The following KCNIP2 variants were observed in gnomAD, a reference collection of about 807,000 sequenced individuals.
KCNIP2 encodes potassium voltage-gated channel interacting protein 2, also known as A-type potassium channel modulatory protein KCNIP2.
A neutral mutation model predicts 39.0 loss-of-function variants in KCNIP2; 19 were observed. That is an observed-to-expected ratio of 0.49 (90% CI 0.34 to 0.71). The LOEUF is 0.71. Among genes scored for constraint, KCNIP2 ranks in the 30% least tolerant of loss-of-function variants. The probability of loss-of-function intolerance (pLI) is 0.01; values close to 1 mark genes in which losing one functional copy is unlikely to be tolerated. For synonymous variants in KCNIP2, 111 were observed against 131.2 expected, an observed-to-expected ratio of 0.85 and a Z score of 1.05; for missense variants, 261 against 346.0, an observed-to-expected ratio of 0.75 and a Z score of 1.95.
At chr10:101,836,888 G>T (rs1169491324) in intron 1 of KCNIP2, among the ~76,000 whole-genome samples, 1 of 151,712 alleles carries the variant, frequency 6.6e-6, no homozygotes, top group Non-Finnish European at 1.5e-5. Flanking sequence ...TTGAACCCAG[G>T]AGGTGGAGGT....
At chr10:101,839,610 C>T (rs934590482) in intron 1 of KCNIP2, 2 of 755,536 alleles carry the variant, frequency 2.6e-6, no homozygotes, top group African/African-American at 1.8e-5. Context: ...TCCAGGATCT[C>T]GTCTTGGAAG....
chr10:101,829,805 G>T (rs2065901421), intron 3 of KCNIP2, 39 bp downstream of exon 3: 2 of 711,032 alleles, frequency 2.8e-6, no homozygotes, highest in Non-Finnish European at 1.8e-6. Context: ...TGGCAAAGCC[G>T]CCCTGCCCCG....
Position 101,829,204 on chromosome 10 carries a change from G to T in KCNIP2, c.224-5C>A, listed in dbSNP as rs1256494428. The T allele has an allele frequency of 6.2e-7, 1 of 1,610,734 alleles. No individual in the cohort carries two copies. The highest frequency in any genetic ancestry group is 8.5e-7 in the Non-Finnish European group (1 of 1,178,316). ...CAAATTCATCGTCCACGCTGTCTGC[G>T]GGAGCGGTGAGGACAGCCGCGCCTC... is the stretch of plus-strand genomic sequence containing the variant. On this transcript the variant is annotated splice_region_variant and splice_polypyrimidine_tract_variant and intron_variant, in intron 3 of 9. Transcript: ENST00000356640.
chr10:101,837,498 G>A (rs999918014), intron 1 of KCNIP2, among the ~76,000 whole-genome samples: 10 of 151,940 alleles, frequency 6.6e-5, no homozygotes, highest in Admixed American at 2.0e-4. Context: ...GTGAAACCCC[G>A]TCTCTACTAA....
intron 3 of KCNIP2, 40 bp downstream of exon 3, chr10:101,829,804 C>T (rs537720840): frequency 1.8e-6 from 2 of 1,116,792 alleles, no homozygotes; most frequent in East Asian, 1.0e-4. Flanking sequence ...ATGGCAAAGC[C>T]GCCCTGCCCC....
intron 1 of KCNIP2, among the ~76,000 whole-genome samples, chr10:101,837,409 G>A (rs918224821): frequency 4.6e-5 from 7 of 152,092 alleles, no homozygotes; most frequent in East Asian, 1.9e-4. Context: ...AGTGGCTCAC[G>A]CCTATAATCC....
Position 101,843,564 on chromosome 10 carries a change from C to A in KCNIP2, c.5G>T (p.Arg2Leu). Residue 2 changes from arginine (R) to leucine (L), a missense_variant, in exon 1 of 10, where the codon CGG becomes CTG. Physicochemically the swap from Arg to Leu is moderately radical, Grantham distance 102. Transcript: ENST00000356640. This position sits in a 1 kb window ranked among gnomAD's most constrained non-coding sequence, Gnocchi z 6.7. ...CAAACTCTCCTTGCGGCCCTGGCCC[C>A]GCATGGCCCCCGGCGCCCCGCTCCC... M[R>L]GQGRKESLSD... 6.5e-7 allele frequency: 1 copy of A among 1,534,378 alleles called. No homozygotes were observed. Among genetic ancestry groups the A allele is most frequent in the Non-Finnish European group, 8.8e-7 (1 of 1,141,418 alleles).
At position 101,838,660 on chromosome 10, in the gene KCNIP2, G is replaced by A. The variant is rs2066232303; in HGVS notation, c.73+4836C>T. 6.6e-6 allele frequency among the ~76,000 whole-genome samples: 1 copy of A among 152,222 alleles called. No homozygotes were observed. The highest frequency in any genetic ancestry group is 2.1e-4 in the South Asian group (1 of 4,832). ...CACTGGAGACAGGCCCAAGCAGGGG[G>A]CTTGGAGGTTGTATGCTCCCCAGAA... On this transcript the variant is annotated intron_variant, in intron 1 of 9. Coordinates refer to ENST00000356640, the MANE Select transcript of KCNIP2 (RefSeq NM_173191.3). The surrounding 1 kb of genome is among the most constrained non-coding windows in gnomAD (Gnocchi z 4.0).
At chr10:101,839,647 C>T (rs1294315490) in intron 1 of KCNIP2, 1 of 1,021,904 alleles carries the variant, frequency 9.8e-7, no homozygotes, top group Admixed American at 1.8e-5. Flanking sequence ...ATGTTGCTCC[C>T]TCCATCTATT....
chr10:101,827,155 C>T lies in KCNIP2; in HGVS notation c.*198G>A. 1 of 1,258,188 alleles carries T rather than the reference C, an allele frequency of 7.9e-7. No individual in the cohort carries two copies. The highest frequency in any genetic ancestry group is 3.3e-5 in the Admixed American group (1 of 30,444). The allele number at this position is 1,258,188 out of a possible 1,614,324, so 77.9% of individuals were successfully genotyped here. A position where few individuals can be genotyped will look rare whatever the true frequency, so the allele number is the denominator to read the frequency against. ...AGAGCTGGTGGGAGTTGGGAACACC[C>T]CCCGAGATGCACTCTGCCCACTCTC... On this transcript the variant is annotated 3_prime_UTR_variant, in exon 10 of 10. Transcript: ENST00000356640.
At chr10:101,829,491 A>G in intron 3 of KCNIP2, 2 of 474,392 alleles carry the variant, frequency 4.2e-6, no homozygotes, top group Middle Eastern at 5.5e-4. Flanking sequence ...CCCCAGCCGC[A>G]TCTTCGTTTT....
intron 1 of KCNIP2, among the ~76,000 whole-genome samples, chr10:101,840,548 G>A (rs866533156): frequency 3.5e-5 from 2 of 57,024 alleles, no homozygotes; most frequent in Non-Finnish European, 6.8e-5. Context: ...AGCCCCCCCC[G>A]CACCCCCCCC....
In KCNIP2 at chr10:101,843,555, C is replaced by A; in HGVS notation, c.14G>T (p.Gly5Val). The part of the protein sequence containing the change: MRGQ[G>V]RKESLSDSRD... The stretch of plus-strand genomic sequence containing the variant: ...GGAATCGGACAAACTCTCCTTGCGG[C>A]CCTGGCCCCGCATGGCCCCCGGCGC... The change falls in exon 1 of 10, where the codon GGC (glycine) becomes GTC (valine). Residue 5 changes from glycine to valine, a missense_variant. Gly to Val is a moderately radical substitution (Grantham distance 109). Coordinates refer to ENST00000356640, the MANE Select transcript of KCNIP2 (RefSeq NM_173191.3). This position sits in a 1 kb window ranked among gnomAD's most constrained non-coding sequence, Gnocchi z 6.7. 6.4e-7 allele frequency: 1 copy of A among 1,551,848 alleles called. No individual in the cohort carries two copies. The highest frequency in any genetic ancestry group is 8.7e-7 in the Non-Finnish European group (1 of 1,150,574).
chr10:101,830,386 G>A (rs1272904547), intron 2 of KCNIP2: 1 of 1,283,868 alleles, frequency 7.8e-7, no homozygotes, highest in Admixed American at 2.5e-5. Flanking sequence ...AAAACACGGT[G>A]GGGAAGGGGG....
At chr10:101,839,425 C>T (rs1454025003) in intron 1 of KCNIP2, among the ~76,000 whole-genome samples, 1 of 152,176 alleles carries the variant, frequency 6.6e-6, no homozygotes, top group Non-Finnish European at 1.5e-5. Flanking sequence ...AGGCCTCCTC[C>T]TTTCATCCCT....
chr10:101,832,171 G>A (rs904503642), intron 1 of KCNIP2, among the ~76,000 whole-genome samples: 9 of 152,186 alleles, frequency 5.9e-5, no homozygotes, highest in African/African-American at 1.9e-4. Flanking sequence ...TCTTGGAGGC[G>A]AGTATTCTGG....
intron 1 of KCNIP2, among the ~76,000 whole-genome samples, chr10:101,842,582 C>T (rs1263819905): frequency 2.0e-5 from 3 of 152,136 alleles, no homozygotes; most frequent in Non-Finnish European, 4.4e-5. Flanking sequence ...GAGGGCTGAC[C>T]CAGCACTAAC....
At position 101,843,440 on chromosome 10, in the gene KCNIP2, G is replaced by A. The variant is rs376108133; in HGVS notation, c.73+56C>T. 4.1e-6 allele frequency: 5 copies of A among 1,230,332 alleles called. No individual in the cohort carries two copies. The highest frequency in any genetic ancestry group is 5.8e-5 in the East Asian group (2 of 34,512). The allele number at this position is 1,230,332 out of a possible 1,614,324, so 76.2% of individuals were successfully genotyped here. ...CAGGCCGGGGTCGGAGAGGCGGAAGGGTCTGGAGGAATGGAATCCACCCTC... is the reference window on the plus strand; with the variant it reads ...CAGGCCGGGGTCGGAGAGGCGGAAGAGTCTGGAGGAATGGAATCCACCCTC... On this transcript the variant is annotated intron_variant, in intron 1 of 9. Transcript: ENST00000356640. This position sits in a 1 kb window ranked among gnomAD's most constrained non-coding sequence, Gnocchi z 6.7.
At chr10:101,832,450 T>C (rs142706108) in intron 1 of KCNIP2, among the ~76,000 whole-genome samples, 18 of 152,106 alleles carry the variant, frequency 1.2e-4, no homozygotes, top group African/African-American at 4.1e-4. Context: ...CCAACTTCCT[T>C]TAGTTAAAGG....
Sources: allele counts gnomAD v4.1 joint callset (sites outside exome capture counted in the v4.1 genomes callset), GRCh38; gene constraint gnomAD v4.1.1; non-coding constraint Gnocchi (gnomAD v3.1); transcripts MANE v1.5; gene names NCBI Gene and HGNC (gene_info 2026-07-23, HGNC 2026-07-21).